The following ZHX2 variants were observed in gnomAD, a reference collection of about 807,000 sequenced individuals.
ZHX2 encodes zinc fingers and homeoboxes 2.
In ZHX2, 6 loss-of-function variants were observed where a neutral mutation model predicts 21.9. The ratio of observed to expected loss-of-function variants is 0.27; its 90% CI spans 0.15 to 0.54. The LOEUF (loss-of-function observed/expected upper bound fraction) is 0.54, where lower values mean the gene tolerates loss of function less well. Among genes scored for constraint, ZHX2 ranks in the 20% least tolerant of loss-of-function variants. ZHX2 has a pLI of 0.95. For missense variants in ZHX2, 908 were observed against 1,090.7 expected, an observed-to-expected ratio of 0.83 and a Z score of 2.36; for synonymous variants, 434 against 437.1, an observed-to-expected ratio of 0.99 and a Z score of 0.09.
intron 2 of ZHX2, among the ~76,000 whole-genome samples, chr8:122,950,411 C>T (rs905583369): frequency 6.6e-6 from 1 of 151,792 alleles, no homozygotes; most frequent in Non-Finnish European, 1.5e-5. Flanking sequence ...CGTCACACAC[C>T]GGGGCCTGTT....
intron 2 of ZHX2, among the ~76,000 whole-genome samples, chr8:122,923,380 A>C (rs1391748051): frequency 6.6e-6 from 1 of 152,202 alleles, no homozygotes; most frequent in Non-Finnish European, 1.5e-5. Context: ...TGGTGGCCTC[A>C]AAGTAGTCAA....
At chr8:122,863,271 T>TC (rs1819210507) in intron 1 of ZHX2, 2 of 150,336 alleles carry the variant, frequency 1.3e-5, no homozygotes, top group African/African-American at 2.5e-5. Context: ...TCTTTTTTTT[T>TC]TTTTTTCTTT....
At chr8:122,846,130 G>A (rs1477579306) in intron 1 of ZHX2, among the ~76,000 whole-genome samples, 3 of 152,190 alleles carry the variant, frequency 2.0e-5, no homozygotes, top group Non-Finnish European at 4.4e-5. Context: ...AGGATTGGAT[G>A]TAGATGTTGG....
intron 1 of ZHX2, among the ~76,000 whole-genome samples, chr8:122,788,063 A>G (rs1164061681): frequency 6.6e-6 from 1 of 152,164 alleles, no homozygotes; most frequent in African/African-American, 2.4e-5. Flanking sequence ...AGCTCCCTAC[A>G]CAACCAGATG....
At chr8:122,797,259 G>A (rs368040945) in intron 1 of ZHX2, among the ~76,000 whole-genome samples, 4 of 152,138 alleles carry the variant, frequency 2.6e-5, no homozygotes, top group East Asian at 3.8e-4. Flanking sequence ...GGGGATCCAC[G>A]CTGCTAAAAT....
intron 1 of ZHX2, among the ~76,000 whole-genome samples, chr8:122,843,348 C>T (rs1385121411): frequency 6.6e-6 from 1 of 152,178 alleles, no homozygotes. Context: ...GGGCTATTTT[C>T]TTTAGCTCAC....
chr8:122,855,660 TA>T (rs1253216157), intron 1 of ZHX2, among the ~76,000 whole-genome samples: 1 of 152,120 alleles, frequency 6.6e-6, no homozygotes, highest in Non-Finnish European at 1.5e-5. Context: ...TTTTTTTCTT[TA>T]AAAAAAGAAG....
chr8:122,949,637 T>A (rs1261749018), intron 2 of ZHX2, among the ~76,000 whole-genome samples: 1 of 151,994 alleles, frequency 6.6e-6, no homozygotes, highest in Non-Finnish European at 1.5e-5. Context: ...TGAGCCCAGG[T>A]GTTGGAGACC....
intron 2 of ZHX2, among the ~76,000 whole-genome samples, chr8:122,915,691 A>C (rs1820584064): frequency 6.6e-6 from 1 of 152,354 alleles, no homozygotes; most frequent in South Asian, 2.1e-4. Context: ...TCAGGAGAGC[A>C]AGAAAAAGCA....
rs184327902 is a variant in ZHX2, at chr8:122,865,424, G to A, written c.-220+1885G>A. ...ATTACAGGCGTGAGCCACCACGCCC[G>A]GCCGACTTGGCAAGTCTTTAAGCAG... is the stretch of plus-strand genomic sequence containing the variant. On this transcript the variant is annotated intron_variant, in intron 2 of 3. Coordinates refer to ENST00000314393, the MANE Select transcript of ZHX2 (RefSeq NM_014943.5). 9.9e-5 allele frequency among the ~76,000 whole-genome samples: 15 copies of A among 152,226 alleles called. No individual in the cohort carries two copies. The East Asian group carries it at 1.5e-3, about 16-fold the overall frequency.
intron 2 of ZHX2, among the ~76,000 whole-genome samples, chr8:122,894,168 G>T (rs1820042858): frequency 1.3e-5 from 2 of 152,388 alleles, no homozygotes; most frequent in Admixed American, 6.5e-5. Flanking sequence ...GGCAGGGGAT[G>T]CCAGGCAGGC....
intron 2 of ZHX2, among the ~76,000 whole-genome samples, chr8:122,939,858 C>T (rs865912532): frequency 2.4e-4 from 36 of 152,124 alleles, no homozygotes; most frequent in Admixed American, 2.2e-3. Flanking sequence ...TAGAGGAAAA[C>T]GGGGTCTGAT....
At position 122,818,731 on chromosome 8, in the gene ZHX2, G is replaced by A. The variant is rs184504587; in HGVS notation, c.-283+36785G>A. Among the ~76,000 whole-genome samples, 693 of 152,316 alleles carry A rather than the reference G, an allele frequency of 4.5e-3. 2 individuals carry two copies. The highest frequency in any genetic ancestry group is 0.016 in the African/African-American group (647 of 41,550). On this transcript the variant is annotated intron_variant, in intron 1 of 3. Coordinates refer to ENST00000314393, the MANE Select transcript of ZHX2 (RefSeq NM_014943.5). ...GAATTTGTTTTTGTTTTAATGCCGAGGACGTTTGCATGAAAACAGGATCTT... is the reference window on the plus strand; with the variant it reads ...GAATTTGTTTTTGTTTTAATGCCGAAGACGTTTGCATGAAAACAGGATCTT...
chr8:122,826,018 C>T (rs977515877), intron 1 of ZHX2, among the ~76,000 whole-genome samples: 2 of 152,090 alleles, frequency 1.3e-5, no homozygotes, highest in East Asian at 1.9e-4. Flanking sequence ...CCATTATTCC[C>T]GAATCTGTGA....
chr8:122,941,237 AC>A (rs1458011237), intron 2 of ZHX2, among the ~76,000 whole-genome samples: 1 of 152,136 alleles, frequency 6.6e-6, no homozygotes, highest in African/African-American at 2.4e-5. Flanking sequence ...CAGAGTGAGA[AC>A]CTGTCTCTAA....
intron 2 of ZHX2, among the ~76,000 whole-genome samples, chr8:122,871,745 A>AAC (rs1442555729): frequency 3.3e-5 from 5 of 150,568 alleles, no homozygotes; most frequent in Non-Finnish European, 5.9e-5. Context: ...AAAAAAAAAA[A>AAC]AACTATGTCT....
chr8:122,810,998 AG>A (rs1033466083), intron 1 of ZHX2, among the ~76,000 whole-genome samples: 2 of 152,174 alleles, frequency 1.3e-5, no homozygotes, highest in Non-Finnish European at 2.9e-5. Flanking sequence ...TTAGAGTTTT[AG>A]GGGTCAGTAA....
rs1813168960 is a variant in ZHX2, at chr8:122,952,942, C to T, written c.1432C>T (p.Leu478Phe). 6.2e-7 allele frequency: 1 copy of T among 1,613,990 alleles called. No individual in the cohort carries two copies. Among genetic ancestry groups the T allele is most frequent in the Non-Finnish European group, 8.5e-7 (1 of 1,180,052 alleles). Residue 478 changes from leucine (L) to phenylalanine (F), a missense_variant, in exon 3 of 4, where the codon CTT (leucine) becomes TTT (phenylalanine). This residue lies in a region of ZHX2 where 232 missense variants were observed against 361.8 expected (regional missense o/e 0.64). Coordinates refer to ENST00000314393, the MANE Select transcript of ZHX2 (RefSeq NM_014943.5). The surrounding 1 kb of genome is among the most constrained non-coding windows in gnomAD (Gnocchi z 6.9). ...TTACCGGCTCATCGAGGTGACTGGC[C>T]TTGCCAGGAGCGAGATCAAGAAGTG... ...EVYRLIEVTG[L>F]ARSEIKKWFS...
intron 1 of ZHX2, among the ~76,000 whole-genome samples, chr8:122,786,809 C>G (rs369240017): frequency 6.6e-6 from 1 of 151,810 alleles, no homozygotes; most frequent in African/African-American, 2.4e-5. Context: ...CATGAGGTAC[C>G]GTAATGTGCT....
Sources: allele counts gnomAD v4.1 joint callset (sites outside exome capture counted in the v4.1 genomes callset), GRCh38; gene constraint gnomAD v4.1.1; regional missense constraint gnomAD v4.1.1; non-coding constraint Gnocchi (gnomAD v3.1); transcripts MANE v1.5; gene names NCBI Gene and HGNC (gene_info 2026-07-23, HGNC 2026-07-21).